KIAA1217: variants seen among roughly 807,000 people sequenced by gnomAD.
KIAA1217 encodes the protein KIAA1217.
KIAA1217 carries 88 observed loss-of-function variants against 163.9 expected under a neutral mutation model. The observed-to-expected ratio is 0.54, with a 90% CI of 0.45 to 0.64. The LOEUF is 0.64. Among genes scored for constraint, KIAA1217 ranks in the 30% least tolerant of loss-of-function variants. The probability of loss-of-function intolerance (pLI) is 0.00; values close to 1 mark genes in which losing one functional copy is unlikely to be tolerated. For synonymous variants in KIAA1217, 903 were observed against 923.1 expected (o/e 0.98, Z 0.39); for missense variants, 2,372 against 2,475.0 (o/e 0.96, Z 0.88).
chr10:24,486,628 C>G (rs1564777395), intron 6 of KIAA1217, among the ~76,000 whole-genome samples: 1 of 152,172 alleles, frequency 6.6e-6, no homozygotes, highest in Non-Finnish European at 1.5e-5. Flanking sequence ...TGTGTGAGTG[C>G]ACCTGCCCTT....
chr10:24,495,303 A>C, intron 8 of KIAA1217, 107 bp downstream of exon 8: 2 of 830,080 alleles, frequency 2.4e-6, no homozygotes, highest in Non-Finnish European at 3.9e-6. Context: ...ATTTGGTATG[A>C]TGTCAGGGGA....
At chr10:23,875,485 A>G (rs932046254) in intron 1 of KIAA1217, among the ~76,000 whole-genome samples, 2 of 152,002 alleles carry the variant, frequency 1.3e-5, no homozygotes, top group African/African-American at 4.8e-5. Context: ...TTTCCCCATG[A>G]AAATGCACCT....
chr10:23,801,385 A>G (rs1210482267), intron 1 of KIAA1217, among the ~76,000 whole-genome samples: 2 of 152,144 alleles, frequency 1.3e-5, no homozygotes, highest in Non-Finnish European at 2.9e-5. Flanking sequence ...AGATGATGGG[A>G]TGATGGGTGC....
chr10:24,480,652 G>C (rs2064564940), intron 6 of KIAA1217, among the ~76,000 whole-genome samples: 2 of 152,292 alleles, frequency 1.3e-5, no homozygotes, highest in African/African-American at 4.8e-5. Flanking sequence ...AGAGTTTCTA[G>C]TTTGAGCAAA....
intron 2 of KIAA1217, among the ~76,000 whole-genome samples, chr10:24,350,941 C>T (rs987392463): frequency 4.6e-5 from 7 of 151,492 alleles, no homozygotes; most frequent in African/African-American, 1.7e-4. Context: ...AGTGATTATG[C>T]ATCTTTTTTT....
At chr10:24,367,375 AT>A (rs1313308599) in intron 2 of KIAA1217, among the ~76,000 whole-genome samples, 1 of 152,190 alleles carries the variant, frequency 6.6e-6, no homozygotes, top group African/African-American at 2.4e-5. Flanking sequence ...ATTCTGAAAT[AT>A]GTGCATTTCT....
intron 1 of KIAA1217, among the ~76,000 whole-genome samples, chr10:23,951,429 A>G (rs1844331855): frequency 6.6e-6 from 1 of 152,162 alleles, no homozygotes; most frequent in Non-Finnish European, 1.5e-5. Context: ...TGAGGTGGGC[A>G]GATTGCTTGA....
intron 16 of KIAA1217, among the ~76,000 whole-genome samples, chr10:24,536,405 A>G (rs2074017510): frequency 6.6e-6 from 1 of 152,242 alleles, no homozygotes; most frequent in Non-Finnish European, 1.5e-5. Context: ...AAAGAGGAAT[A>G]AAAAAGAAAG....
intron 1 of KIAA1217, among the ~76,000 whole-genome samples, chr10:23,706,350 A>C (rs1172108814): frequency 6.6e-6 from 1 of 152,074 alleles, no homozygotes; most frequent in African/African-American, 2.4e-5. Context: ...CTTGTTCTGG[A>C]TCTTAGAAGT....
At chr10:23,953,335 G>T (rs1025752033) in intron 1 of KIAA1217, among the ~76,000 whole-genome samples, 12 of 152,206 alleles carry the variant, frequency 7.9e-5, no homozygotes, top group Admixed American at 2.0e-4. Context: ...TCCATTCAGT[G>T]TCTCAGGAAT....
intron 2 of KIAA1217, among the ~76,000 whole-genome samples, chr10:24,314,262 A>G (rs1327748289): frequency 1.3e-5 from 2 of 152,134 alleles, no homozygotes; most frequent in East Asian, 3.9e-4. Context: ...AACCAACCAC[A>G]TGTCTTTGAA....
At chr10:23,942,679 G>T (rs1843830281) in intron 1 of KIAA1217, among the ~76,000 whole-genome samples, 1 of 145,198 alleles carries the variant, frequency 6.9e-6, no homozygotes, top group Non-Finnish European at 1.6e-5. Context: ...ATTGCTAGAT[G>T]TCAAACACAA....
intron 1 of KIAA1217, among the ~76,000 whole-genome samples, chr10:23,991,407 G>A (rs181873507): frequency 1.3e-5 from 2 of 152,276 alleles, no homozygotes; most frequent in African/African-American, 4.8e-5. Flanking sequence ...GTGGGAACAC[G>A]AAAGTACAAG....
chr10:23,821,019 C>T (rs553313189), intron 1 of KIAA1217, among the ~76,000 whole-genome samples: 1 of 151,922 alleles, frequency 6.6e-6, no homozygotes, highest in Non-Finnish European at 1.5e-5. Context: ...CTTAGCATTG[C>T]CTGACTTGTG....
intron 2 of KIAA1217, among the ~76,000 whole-genome samples, chr10:24,291,941 C>A (rs756647551): frequency 2.6e-5 from 4 of 152,102 alleles, no homozygotes; most frequent in Non-Finnish European, 5.9e-5. Flanking sequence ...GTGGCCCCTA[C>A]CCTTGCAGTT....
At chr10:23,749,763 G>T (rs1370735903) in intron 1 of KIAA1217, among the ~76,000 whole-genome samples, 2 of 151,964 alleles carry the variant, frequency 1.3e-5, no homozygotes, top group Non-Finnish European at 2.9e-5. Flanking sequence ...TCTTTCCTTG[G>T]GCTTAAGTAA....
chr10:24,026,742 A>ATTTTTTTTTTTTTTTTTTTCTT (rs1847957115), intron 2 of KIAA1217, among the ~76,000 whole-genome samples: 1 of 70,090 alleles, frequency 1.4e-5, no homozygotes, highest in Non-Finnish European at 2.7e-5. Flanking sequence ...TATTTCATTG[A>ATTTTTTTTTTTTTTTTTTTCTT]TTTTTTTTTT....
intron 1 of KIAA1217, among the ~76,000 whole-genome samples, chr10:23,990,017 A>G (rs550807953): frequency 3.9e-5 from 6 of 152,356 alleles, no homozygotes; most frequent in Admixed American, 6.5e-5. Context: ...GAACAGTACT[A>G]TTCTCACATG....
At position 24,252,536 on chromosome 10, in the gene KIAA1217, C is replaced by T. The variant is rs551407736; in HGVS notation, c.354+32627C>T. Among the ~76,000 whole-genome samples, 13 of 152,212 alleles carry T rather than the reference C, an allele frequency of 8.5e-5. No homozygotes were observed. In the East Asian group the frequency reaches 2.3e-3, roughly 27 times the overall value. ...TTGAGCCTGAAATGAGCTCTGATTG[C>T]GCCACTGTGCCACAAGCTGGGCGAC... On this transcript the variant is annotated intron_variant, in intron 2 of 20. Transcript: ENST00000376454.
Sources: gnomAD v4.1 joint callset for allele counts (sites outside exome capture counted in the v4.1 genomes callset) on GRCh38, gnomAD v4.1.1 for gene constraint, MANE v1.5 for transcripts, NCBI Gene and HGNC (gene_info 2026-07-23, HGNC 2026-07-21) for gene names.